Variants in SARNP observed in about 807,000 individuals in gnomAD.
The protein encoded by SARNP is SAP domain-containing ribonucleoprotein.
A neutral mutation model predicts 38.1 loss-of-function variants in SARNP; 5 were observed. The observed-to-expected ratio is 0.13, with a 90% CI of 0.07 to 0.28. SARNP has a LOEUF of 0.28. Ranked by LOEUF, SARNP falls within the 10% of genes least tolerant of loss-of-function variation. SARNP has a pLI of 1.00. For synonymous variants in SARNP, 84 were observed against 80.6 expected, an observed-to-expected ratio of 1.04 and a Z score of -0.23; for missense variants, 180 against 243.9, an observed-to-expected ratio of 0.74 and a Z score of 1.75.
intron 1 of SARNP, among the ~76,000 whole-genome samples, chr12:55,807,222 T>C (rs1880174166): frequency 6.6e-6 from 1 of 152,210 alleles, no homozygotes; most frequent in Admixed American, 6.5e-5. Context: ...GATATAGCAG[T>C]GACATCAAAC....
intron 2 of SARNP, among the ~76,000 whole-genome samples, chr12:55,802,718 T>C (rs1475240845): frequency 6.6e-6 from 1 of 151,350 alleles, no homozygotes; most frequent in East Asian, 1.9e-4. Flanking sequence ...ACTCAACCCA[T>C]AGTATAATAT....
At chr12:55,781,115 T>C (rs950347999) in intron 9 of SARNP, among the ~76,000 whole-genome samples, 1 of 152,176 alleles carries the variant, frequency 6.6e-6, no homozygotes, top group Middle Eastern at 3.2e-3. Flanking sequence ...CAGAATACAA[T>C]AGGCCCTCCA....
chr12:55,816,156 G>C (rs1880476494), intron 1 of SARNP, among the ~76,000 whole-genome samples: 1 of 152,202 alleles, frequency 6.6e-6, no homozygotes, highest in African/African-American at 2.4e-5. Flanking sequence ...ATCTATAAAT[G>C]CAAGTAAGTC....
intron 1 of SARNP, among the ~76,000 whole-genome samples, 198 bp from the exon 2 acceptor site, chr12:55,803,926 T>C (rs1185350244): frequency 6.6e-6 from 1 of 152,228 alleles, no homozygotes; most frequent in African/African-American, 2.4e-5. Flanking sequence ...AGGAACTGCC[T>C]AACAGATGCT....
At chr12:55,806,981 A>G (rs1004922893) in intron 1 of SARNP, among the ~76,000 whole-genome samples, 10 of 152,150 alleles carry the variant, frequency 6.6e-5, no homozygotes, top group African/African-American at 2.4e-4. Context: ...TTTTAGAGAC[A>G]GTGGTCTCGC....
chr12:55,796,875 CAAAT>C (rs1233447032), intron 4 of SARNP, among the ~76,000 whole-genome samples: 1 of 151,882 alleles, frequency 6.6e-6, no homozygotes, highest in African/African-American at 2.4e-5. Flanking sequence ...CAAAGTGAAA[CAAAT>C]AAAAATGCCA....
intron 6 of SARNP, 46 bp from the exon 7 acceptor site, chr12:55,794,433 C>G (rs746768360): frequency 6.4e-7 from 1 of 1,560,178 alleles, no homozygotes; most frequent in Non-Finnish European, 8.8e-7. Context: ...TGTTCACACT[C>G]CTGGTTTGTC....
chr12:55,759,998 A>G (rs1878626343), intron 10 of SARNP, among the ~76,000 whole-genome samples: 1 of 151,924 alleles, frequency 6.6e-6, no homozygotes, highest in Admixed American at 6.6e-5. Flanking sequence ...TCAGCCTCCC[A>G]AAGTGCTAAG....
At chr12:55,789,227 G>C in intron 8 of SARNP, 84 bp from the exon 9 acceptor site, 2 of 930,146 alleles carry the variant, frequency 2.2e-6, no homozygotes, top group Non-Finnish European at 3.3e-6. Context: ...ATGAAGCTAA[G>C]AGTTCAAATA....
At chr12:55,807,972 G>C (rs1034080892) in intron 1 of SARNP, among the ~76,000 whole-genome samples, 8 of 152,130 alleles carry the variant, frequency 5.3e-5, no homozygotes, top group African/African-American at 1.9e-4. Context: ...AGAATAGTTA[G>C]AAAATTCTGA....
chr12:55,760,129 T>G (rs151300370), intron 10 of SARNP, among the ~76,000 whole-genome samples: 2,063 of 152,316 alleles, frequency 0.014, 36 homozygotes, highest in Non-Finnish European at 0.021. Flanking sequence ...ATTAAGTATA[T>G]TGATGGAATT....
At chr12:55,783,339 G>C (rs922824204) in intron 9 of SARNP, among the ~76,000 whole-genome samples, 5 of 151,930 alleles carry the variant, frequency 3.3e-5, no homozygotes, top group African/African-American at 1.2e-4. Context: ...TTAGTCCATA[G>C]TCACCATGCG....
intron 1 of SARNP, among the ~76,000 whole-genome samples, chr12:55,811,622 T>C (rs980885905): frequency 9.9e-5 from 15 of 152,092 alleles, no homozygotes; most frequent in South Asian, 2.1e-4. Context: ...AGCTTGTAAA[T>C]AGTAGACCAA....
At chr12:55,792,284 T>C (rs912520966) in intron 7 of SARNP, among the ~76,000 whole-genome samples, 1 of 152,212 alleles carries the variant, frequency 6.6e-6, no homozygotes, top group African/African-American at 2.4e-5. Flanking sequence ...GACATTTTCT[T>C]ACTTAAAACT....
At chr12:55,767,224 ATGCCATTCAT>A (rs1354477438) in intron 9 of SARNP, among the ~76,000 whole-genome samples, 1 of 152,176 alleles carries the variant, frequency 6.6e-6, no homozygotes, top group African/African-American at 2.4e-5. Flanking sequence ...TAAGCTAACA[ATGCCATTCAT>A]TCTTCTAGAT....
chr12:55,808,873 T>C (rs1295676915), intron 1 of SARNP, among the ~76,000 whole-genome samples: 2 of 152,202 alleles, frequency 1.3e-5, no homozygotes, highest in African/African-American at 4.8e-5. Flanking sequence ...CTAAAACCTT[T>C]TAAAACTTAA....
chr12:55,803,536 G>T, intron 2 of SARNP, 93 bp downstream of exon 2: 1 of 706,464 alleles, frequency 1.4e-6, no homozygotes, highest in Non-Finnish European at 2.4e-6. Flanking sequence ...AGCTTACATT[G>T]CTAATGACCT....
intron 4 of SARNP, among the ~76,000 whole-genome samples, chr12:55,797,713 T>C (rs1238928947): frequency 6.6e-6 from 1 of 152,138 alleles, no homozygotes; most frequent in African/African-American, 2.4e-5. Flanking sequence ...GCAACTAAAC[T>C]CAAGCGCAAT....
At chr12:55,772,095 G>C (rs1188379415) in intron 9 of SARNP, among the ~76,000 whole-genome samples, 1 of 152,212 alleles carries the variant, frequency 6.6e-6, no homozygotes, top group Non-Finnish European at 1.5e-5. Flanking sequence ...ACAGAACATA[G>C]GGTGGTCCCA....
Sources: gnomAD v4.1 joint callset for allele counts (sites outside exome capture counted in the v4.1 genomes callset) on GRCh38, gnomAD v4.1.1 for gene constraint, MANE v1.5 for transcripts, NCBI Gene and HGNC (gene_info 2026-07-23, HGNC 2026-07-21) for gene names.